The following YWHAH variants were observed in gnomAD, a reference collection of about 807,000 sequenced individuals.
YWHAH encodes the protein 14-3-3 protein eta.
A neutral mutation model predicts 22.9 loss-of-function variants in YWHAH; 6 were observed. That is an observed-to-expected ratio of 0.26 (90% CI 0.14 to 0.52). YWHAH has a LOEUF of 0.52. Ranked by LOEUF, YWHAH falls within the 20% of genes least tolerant of loss-of-function variation. The pLI is 0.97. For synonymous variants in YWHAH, 135 were observed against 124.5 expected, an observed-to-expected ratio of 1.08 and a Z score of -0.56; for missense variants, 173 against 308.6, an observed-to-expected ratio of 0.56 and a Z score of 3.29.
rs577695777 is a variant in YWHAH at position 31,952,140 on chromosome 22, G to C, written c.88-3999G>C. Among the ~76,000 whole-genome samples, 35 of 152,354 alleles carry C rather than the reference G, an allele frequency of 2.3e-4. 1 individual carries two copies. The East Asian group carries it at 2.5e-3, about 11-fold the overall frequency. On this transcript the variant is annotated intron_variant, in intron 1 of 1. Coordinates refer to ENST00000248975, the MANE Select transcript of YWHAH (RefSeq NM_003405.4). ...AGGCCTGTCTGTAAAATTCTGTCTT[G>C]TTGTTGCTTCATGTTCCTGATTTGT... is the stretch of plus-strand genomic sequence containing the variant.
At chr22:31,949,977 T>C (rs5998189) in intron 1 of YWHAH, among the ~76,000 whole-genome samples, 14,398 of 151,008 alleles carry the variant, frequency 0.095, 1,886 homozygotes, top group African/African-American at 0.3. Flanking sequence ...CCAAATACGA[T>C]TAAGAACAAT....
In YWHAH at chr22:31,957,116, G is replaced by T. The variant is rs999923026; in HGVS notation, c.*324G>T. ...AGATTAGAAAGAATTAGCCAACCAGGCTACAGTTGATATTTAAAAGATCCA... is the reference window on the plus strand; with the variant it reads ...AGATTAGAAAGAATTAGCCAACCAGTCTACAGTTGATATTTAAAAGATCCA... On this transcript the variant is annotated 3_prime_UTR_variant, in exon 2 of 2. Transcript: ENST00000248975. 14 of 235,928 alleles carry T rather than the reference G, an allele frequency of 5.9e-5. No homozygotes were observed. The highest frequency in any genetic ancestry group is 3.2e-4 in the African/African-American group (14 of 44,048). The allele number at this position is 235,928 out of a possible 1,614,324, so 14.6% of individuals were successfully genotyped here. A position where few individuals can be genotyped will look rare whatever the true frequency, so the allele number is the denominator to read the frequency against.
intron 1 of YWHAH, chr22:31,945,605 T>TG (rs1394294628): frequency 7.7e-7 from 1 of 1,302,358 alleles, no homozygotes; most frequent in African/African-American, 1.5e-5. Context: ...CAAAATACCG[T>TG]GGGTCACACA....
intron 1 of YWHAH, among the ~76,000 whole-genome samples, chr22:31,954,715 A>G (rs1006324118): frequency 7.9e-5 from 12 of 152,246 alleles, no homozygotes; most frequent in Admixed American, 2.6e-4. Flanking sequence ...GCGTCACTCC[A>G]GTCTTTGCCT....
intron 1 of YWHAH, among the ~76,000 whole-genome samples, chr22:31,948,621 T>A (rs1241907294): frequency 6.6e-6 from 1 of 152,176 alleles, no homozygotes; most frequent in Admixed American, 6.5e-5. Flanking sequence ...GCAGTCCTCC[T>A]GCCTCAGCCT....
At chr22:31,945,649 ACT>A in intron 1 of YWHAH, 1 of 1,284,948 alleles carries the variant, frequency 7.8e-7, no homozygotes, top group Non-Finnish European at 1.0e-6. Flanking sequence ...TTACCATCTC[ACT>A]CTCTCTCCAC....
chr22:31,952,813 C>T (rs1245638912), intron 1 of YWHAH, among the ~76,000 whole-genome samples: 2 of 152,232 alleles, frequency 1.3e-5, no homozygotes, highest in Non-Finnish European at 2.9e-5. Context: ...TACACCCAAA[C>T]TTCACGTTAG....
chr22:31,945,731 T>C, intron 1 of YWHAH: 1 of 1,202,190 alleles, frequency 8.3e-7, no homozygotes, highest in Non-Finnish European at 1.1e-6. Context: ...GTAGAACAAC[T>C]GCGACCACCA....
At chr22:31,945,335 C>G (rs2093832391) in intron 1 of YWHAH, 2 of 1,234,936 alleles carry the variant, frequency 1.6e-6, no homozygotes, top group Non-Finnish European at 2.1e-6. Flanking sequence ...CTGGTTCCAT[C>G]TTCCCACGCC....
At position 31,956,058 on chromosome 22, in the gene YWHAH, T is replaced by C. The variant is rs8192634; in HGVS notation, c.88-81T>C. The C allele has an allele frequency of 0.028, 41,924 of 1,477,302 alleles. 665 individuals are homozygous for C. The highest frequency in any genetic ancestry group is 0.032 in the Non-Finnish European group (34,606 of 1,097,794). The allele number at this position is 1,477,302 out of a possible 1,614,324, so 91.5% of individuals were successfully genotyped here. A position where few individuals can be genotyped will look rare whatever the true frequency, so the allele number is the denominator to read the frequency against. Reference sequence around the variant, plus strand: ...TCGTAATTCCGTTCTTGAGAAGGATTGTTGATTATGTTGAAGGGAAGGCTT... The same window carrying C: ...TCGTAATTCCGTTCTTGAGAAGGATCGTTGATTATGTTGAAGGGAAGGCTT... On this transcript the variant is annotated intron_variant, in intron 1 of 1. Transcript: ENST00000248975. The surrounding 1 kb of genome is among the most constrained non-coding windows in gnomAD (Gnocchi z 5.1).
Position 31,944,642 on chromosome 22 carries a change from G to C in YWHAH, c.-92G>C. 2 of 1,021,848 alleles carry C rather than the reference G, an allele frequency of 2.0e-6. No homozygotes were observed. The highest frequency in any genetic ancestry group is 2.4e-6 in the Non-Finnish European group (2 of 816,444). 63.3% of individuals were successfully genotyped at this position (1,021,848 alleles called of 1,614,324 possible). A position where few individuals can be genotyped will look rare whatever the true frequency, so the allele number is the denominator to read the frequency against. ...CGAGCCAGTGCGCGTGCGCGGCGGC[G>C]GCCTCCGCAGCGACCGGGGAGCGGA... On this transcript the variant is annotated 5_prime_UTR_variant, in exon 1 of 2. Transcript: ENST00000248975.
Position 31,956,310 on chromosome 22 carries a change from G to A in YWHAH, c.259G>A (p.Glu87Lys). 6.2e-7 allele frequency: 1 copy of A among 1,614,162 alleles called. No homozygotes were observed. The highest frequency in any genetic ancestry group is 1.1e-5 in the South Asian group (1 of 91,068). ...KKLEKVKAYR[E>K]KIEKELETVC... ...ATTGGAGAAAGTTAAAGCTTACCGGGAGAAGATTGAGAAGGAGCTGGAGAC... is the reference window on the plus strand; with the variant it reads ...ATTGGAGAAAGTTAAAGCTTACCGGAAGAAGATTGAGAAGGAGCTGGAGAC... The change falls in exon 2 of 2, where the codon GAG (glutamate) becomes AAG (lysine). Residue 87 changes from glutamate (E) to lysine (K), a missense_variant. Physicochemically the swap from Glu to Lys is moderately conservative, Grantham distance 56. Transcript: ENST00000248975. The surrounding 1 kb of genome is among the most constrained non-coding windows in gnomAD (Gnocchi z 5.1).
rs989700816 is a variant in YWHAH, at chr22:31,956,914, G to C, written c.*122G>C. On this transcript the variant is annotated 3_prime_UTR_variant, in exon 2 of 2. Coordinates refer to ENST00000248975, the MANE Select transcript of YWHAH (RefSeq NM_003405.4). This position sits in a 1 kb window ranked among gnomAD's most constrained non-coding sequence, Gnocchi z 5.1. ...TCTGTATTGGCAGCACAGCTACTCA[G>C]ATCTGCACTCCTGTCTCTTGGGAAG... is the stretch of plus-strand genomic sequence containing the variant. 4.2e-5 allele frequency: 52 copies of C among 1,225,128 alleles called. 2 individuals carry two copies. The South Asian group carries it at 8.1e-4, about 19-fold the overall frequency. The allele number at this position is 1,225,128 out of a possible 1,614,324, so 75.9% of individuals were successfully genotyped here.
At chr22:31,949,044 A>T (rs767547442) in intron 1 of YWHAH, among the ~76,000 whole-genome samples, 20 of 151,934 alleles carry the variant, frequency 1.3e-4, no homozygotes, top group African/African-American at 4.4e-4. Flanking sequence ...CTGTAGCGTC[A>T]CACTTTTCCA....
chr22:31,945,657 T>C, intron 1 of YWHAH: 1 of 1,278,424 alleles, frequency 7.8e-7, no homozygotes, highest in Non-Finnish European at 1.0e-6. Flanking sequence ...TCACTCTCTC[T>C]CCACGTTATT....
In YWHAH at chr22:31,956,272, G is replaced by C; in HGVS notation, c.221G>C (p.Gly74Ala). ...ATTGAGCAGAAAACCATGGCTGATG[G>C]AAACGAAAAGAAATTGGAGAAAGTT... The part of the protein sequence containing the change: ...SSIEQKTMAD[G>A]NEKKLEKVKA... Residue 74 changes from glycine to alanine, a missense_variant, in exon 2 of 2, where the codon GGA (glycine) becomes GCA (alanine). Coordinates refer to ENST00000248975, the MANE Select transcript of YWHAH (RefSeq NM_003405.4). The surrounding 1 kb of genome is among the most constrained non-coding windows in gnomAD (Gnocchi z 5.1). 10 of 1,614,126 alleles carry C rather than the reference G, an allele frequency of 6.2e-6. No individual in the cohort carries two copies. The highest frequency in any genetic ancestry group is 8.5e-6 in the Non-Finnish European group (10 of 1,180,028).
chr22:31,944,626 G>A lies in YWHAH; in HGVS notation c.-108G>A, dbSNP rs2093830353. 18 of 859,216 alleles carry A rather than the reference G, an allele frequency of 2.1e-5. No homozygotes were observed. Among genetic ancestry groups the A allele is most frequent in the African/African-American group, 3.6e-5 (2 of 55,554 alleles). The allele number at this position is 859,216 out of a possible 1,614,324, so 53.2% of individuals were successfully genotyped here. A position where few individuals can be genotyped will look rare whatever the true frequency, so the allele number is the denominator to read the frequency against. ...GCCTCCGGCCGGCCGGCGAGCCAGTGCGCGTGCGCGGCGGCGGCCTCCGCA... is the reference window on the plus strand; with the variant it reads ...GCCTCCGGCCGGCCGGCGAGCCAGTACGCGTGCGCGGCGGCGGCCTCCGCA... On this transcript the variant is annotated 5_prime_UTR_variant, in exon 1 of 2. Transcript: ENST00000248975.
At chr22:31,946,544 G>A (rs1033577450) in intron 1 of YWHAH, among the ~76,000 whole-genome samples, 5 of 150,594 alleles carry the variant, frequency 3.3e-5, no homozygotes, top group Admixed American at 6.6e-5. Context: ...TGCAGTGTTC[G>A]GAGCCCTTTG....
chr22:31,950,554 T>C, intron 1 of YWHAH: 2 of 520,886 alleles, frequency 3.8e-6, no homozygotes, highest in South Asian at 6.3e-5. Flanking sequence ...CCAATCCCCA[T>C]GAAAATGTTC....
Sources: allele counts gnomAD v4.1 joint callset (sites outside exome capture counted in the v4.1 genomes callset), GRCh38; gene constraint gnomAD v4.1.1; non-coding constraint Gnocchi (gnomAD v3.1); transcripts MANE v1.5; gene names NCBI Gene and HGNC (gene_info 2026-07-23, HGNC 2026-07-21).